The following NCOR1 variants were observed in gnomAD, a reference collection of about 807,000 sequenced individuals.
NCOR1 encodes the protein protein phosphatase 1, regulatory subunit 109.
NCOR1 carries 63 observed loss-of-function variants against 288.1 expected under a neutral mutation model. The ratio of observed to expected loss-of-function variants is 0.22; its 90% confidence interval spans 0.18 to 0.27. NCOR1 has a LOEUF of 0.27. NCOR1 is among the 10% of genes least tolerant of loss of function. NCOR1 has a pLI of 1.00. For synonymous variants in NCOR1, 1,007 were observed against 1,065.9 expected, an observed-to-expected ratio of 0.94 and a Z score of 1.08; for missense variants, 2,397 against 3,019.2, an observed-to-expected ratio of 0.79 and a Z score of 4.83.
At chr17:16,091,037 G>T in intron 22 of NCOR1, among the ~76,000 whole-genome samples, 1 of 152,182 alleles carries the variant, frequency 6.6e-6, no homozygotes, top group Non-Finnish European at 1.5e-5. Flanking sequence ...CATGTCAGAA[G>T]AATGTATTAA....
chr17:16,080,577 GA>G, intron 24 of NCOR1, 29 bp downstream of exon 24: 2 of 1,614,048 alleles, frequency 1.2e-6, no homozygotes, highest in Non-Finnish European at 1.7e-6. Context: ...TACAAACGTA[GA>G]TGCATTATGA....
At chr17:16,122,133 T>C (rs1256850004) in intron 15 of NCOR1, among the ~76,000 whole-genome samples, 1 of 152,206 alleles carries the variant, frequency 6.6e-6, no homozygotes, top group Non-Finnish European at 1.5e-5. Flanking sequence ...AGAAACATGG[T>C]GGTTCCTATT....
At chr17:16,181,327 A>T (rs1183972939) in intron 3 of NCOR1, among the ~76,000 whole-genome samples, 1 of 151,250 alleles carries the variant, frequency 6.6e-6, no homozygotes. Context: ...TGCTGAAACC[A>T]CGCTGAAATA....
chr17:16,096,612 T>C (rs1009531313), intron 21 of NCOR1, among the ~76,000 whole-genome samples: 3 of 152,334 alleles, frequency 2.0e-5, no homozygotes, highest in African/African-American at 7.2e-5. Context: ...TAGAGCATTA[T>C]ATTTCTTTTT....
At chr17:16,188,070 C>T (rs1254874719) in intron 2 of NCOR1, among the ~76,000 whole-genome samples, 1 of 152,034 alleles carries the variant, frequency 6.6e-6, no homozygotes, top group African/African-American at 2.4e-5. Context: ...GTGGTGATAG[C>T]TGCACAATAT....
At position 16,092,650 on chromosome 17, in the gene NCOR1, TATATATATATA is replaced by T. The variant is rs2065385924; in HGVS notation, c.2821-603_2821-593del. On this transcript the variant is annotated intron_variant, in intron 21 of 45. Coordinates refer to ENST00000268712, the MANE Select transcript of NCOR1 (RefSeq NM_006311.4). ...TTTCACCAGGGATCAGATCCATTTA[TATATATATATA>T]TATATATATATATATATATATATAT... 2.0e-3 allele frequency among the ~76,000 whole-genome samples: 27 copies of T among 13,186 alleles called. 1 individual carries two copies. Among genetic ancestry groups the T allele is most frequent in the African/African-American group, 6.4e-3 (26 of 4,094 alleles). The allele number at this position is 13,186 out of a possible 152,430, so 8.7% of individuals were successfully genotyped here.
At chr17:16,118,139 G>A in intron 17 of NCOR1, 112 bp from the exon 18 acceptor site, 1 of 1,088,668 alleles carries the variant, frequency 9.2e-7, no homozygotes, top group Non-Finnish European at 1.3e-6. Context: ...CACTAGAAGT[G>A]TGCTTTCAAT....
intron 18 of NCOR1, among the ~76,000 whole-genome samples, chr17:16,114,822 AGT>A (rs567651379): frequency 7.2e-5 from 11 of 152,254 alleles, no homozygotes; most frequent in Non-Finnish European, 1.0e-4. Context: ...GGTAGCGTTG[AGT>A]GTCTGCGGCT....
intron 40 of NCOR1, among the ~76,000 whole-genome samples, chr17:16,049,786 C>T (rs1348644197): frequency 1.3e-5 from 2 of 152,140 alleles, no homozygotes; most frequent in African/African-American, 4.8e-5. Context: ...GGGGTTTCAC[C>T]ATGTTGGCTA....
intron 10 of NCOR1, among the ~76,000 whole-genome samples, chr17:16,144,757 C>T (rs2077619131): frequency 6.6e-6 from 1 of 151,712 alleles, no homozygotes; most frequent in African/African-American, 2.4e-5. Context: ...TCCCGCTTTC[C>T]ACGATCTCCC....
rs765511693 is a variant in NCOR1, at chr17:16,080,682, T to C, written c.3223A>G (p.Thr1075Ala). ...ACTGACGGCTTGGGTGTTTCTTGAGTGTAGGAAGCCTGATTATGAGAAGTC... is the reference window on the plus strand; with the variant it reads ...ACTGACGGCTTGGGTGTTTCTTGAGCGTAGGAAGCCTGATTATGAGAAGTC... ...YLTSHNQASY[T>A]QETPKPSVGS... Residue 1075 changes from threonine to alanine, a missense_variant, in exon 24 of 46, where the codon ACT becomes GCT. Physicochemically the swap from Thr to Ala is moderately conservative, Grantham distance 58. Transcript: ENST00000268712. The C allele has an allele frequency of 1.9e-6, 3 of 1,613,878 alleles. No homozygotes were observed. The highest frequency in any genetic ancestry group is 2.2e-5 in the East Asian group (1 of 44,892).
intron 3 of NCOR1, among the ~76,000 whole-genome samples, chr17:16,183,995 C>T (rs540600984): frequency 1.3e-5 from 2 of 152,238 alleles, no homozygotes; most frequent in South Asian, 4.1e-4. Flanking sequence ...AGGGTAGTCT[C>T]TTCAATAATG....
At chr17:16,129,640 C>A (rs1208971183) in intron 14 of NCOR1, among the ~76,000 whole-genome samples, 1 of 152,146 alleles carries the variant, frequency 6.6e-6, no homozygotes, top group African/African-American at 2.4e-5. Context: ...TGCTAATAAC[C>A]TAACCCTGTA....
intron 1 of NCOR1, among the ~76,000 whole-genome samples, chr17:16,207,424 T>C (rs1199117854): frequency 1.3e-5 from 2 of 152,110 alleles, no homozygotes; most frequent in African/African-American, 2.4e-5. Context: ...TCATCATAAA[T>C]CTAAGAGTCA....
chr17:16,036,529 G>T (rs1371980637), intron 44 of NCOR1, among the ~76,000 whole-genome samples: 1 of 152,220 alleles, frequency 6.6e-6, no homozygotes, highest in African/African-American at 2.4e-5. Flanking sequence ...CTACATGGAA[G>T]ATCTGTTGTT....
intron 9 of NCOR1, among the ~76,000 whole-genome samples, chr17:16,147,264 C>T (rs2078133435): frequency 6.6e-6 from 1 of 152,058 alleles, no homozygotes; most frequent in African/African-American, 2.4e-5. Context: ...CAAAAATTAG[C>T]CAGGCGTGGT....
Position 16,092,676 on chromosome 17 carries a change from TATATATATATATA to T in NCOR1, c.2821-631_2821-619del, listed in dbSNP as rs2065496117. Among the ~76,000 whole-genome samples, 38 of 23,784 alleles carry T rather than the reference TATATATATATATA, an allele frequency of 1.6e-3. 1 individual carries two copies. The highest frequency in any genetic ancestry group is 5.5e-3 in the African/African-American group (22 of 4,010). 15.6% of individuals were successfully genotyped at this position (23,784 alleles called of 152,430 possible). ...ATATATATATATATATATATATATA[TATATATATATATA>T]TATATATTTTTTTTTTTTTTTTTTT... On this transcript the variant is annotated intron_variant, in intron 21 of 45. Coordinates refer to ENST00000268712, the MANE Select transcript of NCOR1 (RefSeq NM_006311.4).
At chr17:16,120,739 G>C (rs998447571) in intron 16 of NCOR1, among the ~76,000 whole-genome samples, 2 of 151,976 alleles carry the variant, frequency 1.3e-5, no homozygotes, top group Non-Finnish European at 1.5e-5. Flanking sequence ...TCAGCAATAA[G>C]AGAATGGTTA....
chr17:16,180,405 C>A (rs964250180), intron 3 of NCOR1, among the ~76,000 whole-genome samples: 4 of 152,100 alleles, frequency 2.6e-5, no homozygotes, highest in African/African-American at 7.2e-5. Context: ...ACTATAGACC[C>A]AGCAATCCCT....
Sources: gnomAD v4.1 joint callset for allele counts (sites outside exome capture counted in the v4.1 genomes callset) on GRCh38, gnomAD v4.1.1 for gene constraint, MANE v1.5 for transcripts, NCBI Gene and HGNC (gene_info 2026-07-23, HGNC 2026-07-21) for gene names.